RSRC1: variants seen among roughly 807,000 people sequenced by gnomAD.
RSRC1 encodes serine/Arginine-related protein 53.
RSRC1 carries 39 observed loss-of-function variants against 49.1 expected under a neutral mutation model. The observed-to-expected ratio is 0.79, with a 90% CI of 0.61 to 1.04. The LOEUF is 1.04. RSRC1 is among the 50% of genes least tolerant of loss of function. The pLI, the probability that RSRC1 is intolerant of heterozygous loss-of-function variation, is 0.00. For synonymous variants in RSRC1, 143 were observed against 130.8 expected (o/e 1.09, Z -0.63); for missense variants, 388 against 402.4 (o/e 0.96, Z 0.31).
chr3:158,137,152 G>A (rs1460225680), intron 3 of RSRC1, among the ~76,000 whole-genome samples: 3 of 152,092 alleles, frequency 2.0e-5, no homozygotes, highest in Admixed American at 2.0e-4. Flanking sequence ...ATGCAAAACA[G>A]ATGGATTTTT....
intron 3 of RSRC1, among the ~76,000 whole-genome samples, chr3:158,175,983 T>C (rs986801687): frequency 1.3e-5 from 2 of 151,852 alleles, no homozygotes; most frequent in African/African-American, 4.8e-5. Context: ...GATCAGGTCA[T>C]TTAAGCTCTT....
chr3:158,440,388 A>G (rs889393263), intron 6 of RSRC1, among the ~76,000 whole-genome samples: 5 of 152,188 alleles, frequency 3.3e-5, no homozygotes, highest in African/African-American at 4.8e-5. Context: ...TTCCAAGTCA[A>G]TACCTCTGAG....
intron 7 of RSRC1, among the ~76,000 whole-genome samples, chr3:158,482,274 T>A (rs1738640774): frequency 6.6e-6 from 1 of 152,036 alleles, no homozygotes; most frequent in South Asian, 2.1e-4. Context: ...AAAAATAAAT[T>A]AATACCAAAT....
chr3:158,535,930 A>C (rs547170472), intron 7 of RSRC1, among the ~76,000 whole-genome samples: 1 of 151,626 alleles, frequency 6.6e-6, no homozygotes, highest in East Asian at 1.9e-4. Flanking sequence ...GGAAATGTTC[A>C]TTATAGAAAA....
At chr3:158,138,532 A>C (rs1053704785) in intron 3 of RSRC1, among the ~76,000 whole-genome samples, 1 of 152,216 alleles carries the variant, frequency 6.6e-6, no homozygotes, top group Non-Finnish European at 1.5e-5. Context: ...CATAAGCACT[A>C]CTATTAGATT....
chr3:158,217,891 A>G (rs1424511880), intron 4 of RSRC1, among the ~76,000 whole-genome samples: 1 of 151,516 alleles, frequency 6.6e-6, no homozygotes, highest in Non-Finnish European at 1.5e-5. Context: ...TATTTGACCT[A>G]GAATAGTTGG....
chr3:158,200,265 C>T (rs1197876721), intron 3 of RSRC1, among the ~76,000 whole-genome samples: 1 of 152,116 alleles, frequency 6.6e-6, no homozygotes, highest in Non-Finnish European at 1.5e-5. Flanking sequence ...GTCTCGATCT[C>T]CTGACCTCGT....
chr3:158,194,511 T>A (rs1026828526), intron 3 of RSRC1, among the ~76,000 whole-genome samples: 11 of 147,396 alleles, frequency 7.5e-5, no homozygotes, highest in Non-Finnish European at 1.4e-4. Flanking sequence ...TTTTTTTTAA[T>A]TATACATTAA....
intron 4 of RSRC1, among the ~76,000 whole-genome samples, chr3:158,287,607 A>G (rs1376741152): frequency 6.6e-6 from 1 of 152,210 alleles, no homozygotes; most frequent in Non-Finnish European, 1.5e-5. Flanking sequence ...TGTATGCAGG[A>G]TAGTATGCAA....
At chr3:158,377,084 CATT>C (rs1365238005) in intron 6 of RSRC1, among the ~76,000 whole-genome samples, 2 of 152,098 alleles carry the variant, frequency 1.3e-5, no homozygotes, top group Admixed American at 6.6e-5. Flanking sequence ...TCATTGAAGT[CATT>C]GTTGTTAATG....
chr3:158,163,819 A>G (rs1718381005), intron 3 of RSRC1, among the ~76,000 whole-genome samples: 1 of 151,150 alleles, frequency 6.6e-6, no homozygotes, highest in Non-Finnish European at 1.5e-5. Context: ...ACTCAACTTC[A>G]TTATGTCAGA....
chr3:158,270,735 A>G (rs1041351220), intron 4 of RSRC1, among the ~76,000 whole-genome samples: 3 of 152,144 alleles, frequency 2.0e-5, no homozygotes, highest in African/African-American at 7.2e-5. Flanking sequence ...TAAATTTTAT[A>G]AGGACTTTAA....
chr3:158,123,141 G>A (rs539688797), intron 2 of RSRC1, among the ~76,000 whole-genome samples: 8 of 152,222 alleles, frequency 5.3e-5, no homozygotes, highest in East Asian at 3.9e-4. Context: ...CCAAGTAGCC[G>A]GGATTCCAGG....
At chr3:158,235,249 A>G (rs1487410572) in intron 4 of RSRC1, among the ~76,000 whole-genome samples, 1 of 152,146 alleles carries the variant, frequency 6.6e-6, no homozygotes, top group African/African-American at 2.4e-5. Flanking sequence ...CTCAGGTTGA[A>G]CATTGTTTGT....
In RSRC1 at chr3:158,160,129, T is replaced by A. The variant is rs74674084; in HGVS notation, c.320+36138T>A. ...TCTGCCTTGGGAATTTTATAATGAA[T>A]ATGAGAGAGATCCTGCCACAGGTAG... On this transcript the variant is annotated intron_variant, in intron 3 of 9. Transcript: ENST00000611884. Among the ~76,000 whole-genome samples the A allele has an allele frequency of 7.7e-3, 1,165 of 152,234 alleles. 14 individuals carry two copies. The highest frequency in any genetic ancestry group is 0.027 in the African/African-American group (1,107 of 41,532).
intron 5 of RSRC1, among the ~76,000 whole-genome samples, chr3:158,312,068 G>C (rs960889336): frequency 4.0e-5 from 6 of 151,844 alleles, no homozygotes; most frequent in Admixed American, 2.6e-4. Flanking sequence ...AGGTGAAGGA[G>C]CACATTTCTT....
At chr3:158,493,425 A>G (rs1409426142) in intron 7 of RSRC1, among the ~76,000 whole-genome samples, 2 of 152,162 alleles carry the variant, frequency 1.3e-5, no homozygotes, top group African/African-American at 4.8e-5. Context: ...AAAATAGGAA[A>G]TATTTTGTGC....
chr3:158,183,823 G>A (rs1289764110), intron 3 of RSRC1, among the ~76,000 whole-genome samples: 1 of 152,004 alleles, frequency 6.6e-6, no homozygotes, highest in Non-Finnish European at 1.5e-5. Context: ...GGCTGATGGG[G>A]GAGGATTGCT....
chr3:158,493,712 G>A (rs913311794), intron 7 of RSRC1, among the ~76,000 whole-genome samples: 2 of 152,166 alleles, frequency 1.3e-5, no homozygotes, highest in Non-Finnish European at 2.9e-5. Flanking sequence ...CTGATTGTTT[G>A]CAGCTCAGCA....
Sources: allele counts gnomAD v4.1 joint callset (sites outside exome capture counted in the v4.1 genomes callset), GRCh38; gene constraint gnomAD v4.1.1; transcripts MANE v1.5; gene names NCBI Gene and HGNC (gene_info 2026-07-23, HGNC 2026-07-21).